The following CDKAL1 variants were observed in gnomAD, a reference collection of about 807,000 sequenced individuals.
CDKAL1 encodes threonylcarbamoyladenosine tRNA methylthiotransferase.
CDKAL1 carries 32 observed loss-of-function variants against 68.2 expected under a neutral mutation model. The observed-to-expected ratio is 0.47, with a 90% confidence interval of 0.35 to 0.63. The LOEUF (loss-of-function observed/expected upper bound fraction) is 0.63. Ranked by LOEUF, CDKAL1 falls within the 30% of genes least tolerant of loss-of-function variation. The pLI, the probability that CDKAL1 is intolerant of heterozygous loss-of-function variation, is 0.00. For synonymous variants in CDKAL1, 234 were observed against 244.3 expected, an observed-to-expected ratio of 0.96 and a Z score of 0.39; for missense variants, 606 against 696.7, an observed-to-expected ratio of 0.87 and a Z score of 1.47.
At chr6:21,185,779 C>A (rs1188403670) in intron 13 of CDKAL1, among the ~76,000 whole-genome samples, 4 of 152,116 alleles carry the variant, frequency 2.6e-5, no homozygotes, top group Non-Finnish European at 5.9e-5. Flanking sequence ...GAAATAAATA[C>A]TAGATCAATT....
In CDKAL1 at chr6:21,135,445, A is replaced by G. The variant is rs563443795; in HGVS notation, c.1299+26982A>G. Among the ~76,000 whole-genome samples the G allele has an allele frequency of 4.9e-4, 74 of 152,276 alleles. 1 individual carries two copies. The highest frequency in any genetic ancestry group is 3.4e-3 in the Middle Eastern group (1 of 294). On this transcript the variant is annotated intron_variant, in intron 13 of 15. Coordinates refer to ENST00000274695, the MANE Select transcript of CDKAL1 (RefSeq NM_017774.3). ...TACATTCATGAGAGTATGCAGGATG[A>G]TAGGTTCTCCTCCCATGTCACAGTA...
chr6:21,005,542 A>G (rs147584428), intron 11 of CDKAL1, among the ~76,000 whole-genome samples: 2 of 152,310 alleles, frequency 1.3e-5, no homozygotes, highest in Non-Finnish European at 2.9e-5. Flanking sequence ...TAACATCTCT[A>G]TCTTTCTCAC....
At chr6:20,734,149 GA>G (rs869188862) in intron 5 of CDKAL1, among the ~76,000 whole-genome samples, 4,893 of 106,112 alleles carry the variant, frequency 0.046, 108 homozygotes, top group African/African-American at 0.087. Flanking sequence ...ACTCTGTCTT[GA>G]AAAAAAAAAA....
At chr6:20,731,394 A>G (rs1231670498) in intron 5 of CDKAL1, among the ~76,000 whole-genome samples, 1 of 152,152 alleles carries the variant, frequency 6.6e-6, no homozygotes, top group African/African-American at 2.4e-5. Flanking sequence ...AAACCTGGAC[A>G]TATTTCTGAG....
intron 9 of CDKAL1, among the ~76,000 whole-genome samples, chr6:20,950,945 G>C (rs1029279628): frequency 6.6e-6 from 1 of 151,028 alleles, no homozygotes; most frequent in African/African-American, 2.4e-5. Context: ...ACTCCAGCCT[G>C]GGTGACAGAG....
chr6:20,783,983 G>A (rs917481545), intron 8 of CDKAL1, among the ~76,000 whole-genome samples: 7 of 152,132 alleles, frequency 4.6e-5, no homozygotes, highest in Non-Finnish European at 1.0e-4. Flanking sequence ...GGGAGGCCAA[G>A]GTGGATGGAT....
intron 5 of CDKAL1, among the ~76,000 whole-genome samples, chr6:20,649,803 G>A (rs905144917): frequency 6.6e-6 from 1 of 152,152 alleles, no homozygotes; most frequent in African/African-American, 2.4e-5. Flanking sequence ...CCACTTGTAA[G>A]TGAGAACATG....
intron 15 of CDKAL1, among the ~76,000 whole-genome samples, chr6:21,210,715 T>C (rs145166595): frequency 1.2e-3 from 189 of 152,300 alleles, no homozygotes; most frequent in Middle Eastern, 3.4e-3. Flanking sequence ...CTCTGATGAC[T>C]TGAGGTATCA....
chr6:21,018,379 T>C (rs1437253279), intron 11 of CDKAL1, among the ~76,000 whole-genome samples: 1 of 152,238 alleles, frequency 6.6e-6, no homozygotes, highest in Non-Finnish European at 1.5e-5. Context: ...TTCTGGTTTT[T>C]GTGCAGGAGC....
At position 21,156,506 on chromosome 6, in the gene CDKAL1, CT is replaced by C. The variant is rs368984809; in HGVS notation, c.1300-41508del. 1.0e-3 allele frequency among the ~76,000 whole-genome samples: 157 copies of C among 151,710 alleles called. 3 individuals carry two copies. Among genetic ancestry groups the C allele is most frequent in the African/African-American group, 3.6e-3 (149 of 41,366 alleles). ...ACACTAGTTATCTTTAGCAGAATCC[CT>C]TTTTTTCCTTTTTGTGCTTTTTCTA... On this transcript the variant is annotated intron_variant, in intron 13 of 15. Transcript: ENST00000274695.
rs55750789 is a variant in CDKAL1 at position 20,561,446 on chromosome 6, G to GAAAAAAAAAAAAAAAAAAA, written c.286+12748_286+12766dup. The stretch of plus-strand genomic sequence containing the variant: ...GACAGAGCAAGACCATCTCAAAAAA[G>GAAAAAAAAAAAAAAAAAAA]AAAAAAAAAAAAAAAAAAAAAAAAA... On this transcript the variant is annotated intron_variant, in intron 4 of 15. Transcript: ENST00000274695. 3.8e-5 allele frequency among the ~76,000 whole-genome samples: 3 copies of GAAAAAAAAAAAAAAAAAAA among 79,652 alleles called. 1 individual carries two copies. Among genetic ancestry groups the GAAAAAAAAAAAAAAAAAAA allele is most frequent in the Admixed American group, 3.4e-4 (2 of 5,970 alleles). The allele number at this position is 79,652 out of a possible 152,430, so 52.3% of individuals were successfully genotyped here. A position where few individuals can be genotyped will look rare whatever the true frequency, so the allele number is the denominator to read the frequency against.
chr6:20,540,263 T>C (rs917421590), intron 2 of CDKAL1, among the ~76,000 whole-genome samples: 3 of 150,836 alleles, frequency 2.0e-5, no homozygotes, highest in Non-Finnish European at 4.4e-5. Flanking sequence ...TTAGTAGAGA[T>C]GGGGTTTCAC....
intron 15 of CDKAL1, among the ~76,000 whole-genome samples, chr6:21,204,973 A>T (rs190876516): frequency 1.2e-4 from 18 of 152,276 alleles, no homozygotes; most frequent in Non-Finnish European, 1.6e-4. Context: ...GCCCCTGGTA[A>T]CTTCTAATCT....
chr6:21,102,635 T>C (rs1343685588), intron 12 of CDKAL1, among the ~76,000 whole-genome samples: 1 of 152,228 alleles, frequency 6.6e-6, no homozygotes. Flanking sequence ...TGTAGTTTTC[T>C]AACTTCTACT....
intron 5 of CDKAL1, among the ~76,000 whole-genome samples, chr6:20,726,933 A>C (rs1305007123): frequency 1.3e-5 from 2 of 152,202 alleles, no homozygotes; most frequent in Non-Finnish European, 1.5e-5. Flanking sequence ...AAAGCACACA[A>C]AGACTTTGTG....
chr6:21,014,592 C>G (rs1768209483), intron 11 of CDKAL1, among the ~76,000 whole-genome samples: 1 of 148,900 alleles, frequency 6.7e-6, no homozygotes, highest in Non-Finnish European at 1.5e-5. Context: ...GCCTGGGTGA[C>G]AGAGCGAGAC....
At chr6:21,057,436 T>A (rs1244025993) in intron 11 of CDKAL1, among the ~76,000 whole-genome samples, 10 of 148,788 alleles carry the variant, frequency 6.7e-5, no homozygotes, top group Non-Finnish European at 1.5e-5. Context: ...CAGCTAGTAG[T>A]CTATCTATTT....
At chr6:20,768,456 A>T (rs921208310) in intron 7 of CDKAL1, among the ~76,000 whole-genome samples, 1 of 152,178 alleles carries the variant, frequency 6.6e-6, no homozygotes, top group Non-Finnish European at 1.5e-5. Flanking sequence ...CCCGATTTCT[A>T]TATGCCAGAT....
chr6:21,170,569 C>T (rs1402980659), intron 13 of CDKAL1, among the ~76,000 whole-genome samples: 1 of 152,064 alleles, frequency 6.6e-6, no homozygotes, highest in African/African-American at 2.4e-5. Flanking sequence ...ACCTCATGAT[C>T]GACCCGCCTC....
Sources: gnomAD v4.1 joint callset for allele counts (sites outside exome capture counted in the v4.1 genomes callset) on GRCh38, gnomAD v4.1.1 for gene constraint, MANE v1.5 for transcripts, NCBI Gene and HGNC (gene_info 2026-07-23, HGNC 2026-07-21) for gene names.